The following PCDH15 variants were observed in gnomAD, a reference collection of about 807,000 sequenced individuals.
PCDH15 encodes protocadherin-15.
Under a neutral mutation model 178.5 loss-of-function variants are expected in PCDH15, and 129 were observed. The ratio of observed to expected loss-of-function variants is 0.72; its 90% CI spans 0.63 to 0.84. The LOEUF (loss-of-function observed/expected upper bound fraction) is 0.84. PCDH15 is among the 40% of genes least tolerant of loss of function. PCDH15 has a pLI of 0.00. For missense variants in PCDH15, 2,230 were observed against 2,099.9 expected, an observed-to-expected ratio of 1.06 and a Z score of -1.21; for synonymous variants, 800 against 732.0, an observed-to-expected ratio of 1.09 and a Z score of -1.50.
At chr10:55,361,606 A>C (rs1200205905) in intron 2 of PCDH15, among the ~76,000 whole-genome samples, 3 of 152,114 alleles carry the variant, frequency 2.0e-5, no homozygotes, top group Non-Finnish European at 4.4e-5. Flanking sequence ...CATAGAAAAT[A>C]GCCTCAAATA....
intron 2 of PCDH15, among the ~76,000 whole-genome samples, chr10:55,611,344 G>A (rs920523666): frequency 6.6e-6 from 1 of 151,888 alleles, no homozygotes; most frequent in Non-Finnish European, 1.5e-5. Flanking sequence ...TAAAAAAATG[G>A]GCAAAAGACC....
chr10:54,065,025 G>C (rs140459543), intron 18 of PCDH15, among the ~76,000 whole-genome samples: 1 of 152,150 alleles, frequency 6.6e-6, no homozygotes, highest in Non-Finnish European at 1.5e-5. Context: ...TCTTTGCAGT[G>C]GCTGCTCCAG....
intron 20 of PCDH15, among the ~76,000 whole-genome samples, chr10:54,019,289 TTTTAGTAATATACTCA>T (rs778906554): frequency 3.9e-5 from 6 of 152,162 alleles, no homozygotes; most frequent in African/African-American, 9.6e-5. Flanking sequence ...TAAAGTCATT[TTTTAGTAATATACTCA>T]TTTAGTAAAG....
intron 21 of PCDH15, chr10:53,995,391 C>A: frequency 1.9e-6 from 1 of 522,062 alleles, no homozygotes; most frequent in Admixed American, 3.3e-5. Context: ...ATATATTTAT[C>A]ATTGTTAGAT....
At chr10:55,076,133 C>T (rs185254783) in intron 2 of PCDH15, among the ~76,000 whole-genome samples, 1 of 152,142 alleles carries the variant, frequency 6.6e-6, no homozygotes, top group East Asian at 1.9e-4. Context: ...AAAAATGAGA[C>T]TTGTTTTGTA....
intron 2 of PCDH15, among the ~76,000 whole-genome samples, chr10:55,552,346 C>A (rs1291784258): frequency 6.6e-6 from 1 of 151,446 alleles, no homozygotes; most frequent in Non-Finnish European, 1.5e-5. Context: ...AAAATAGAAA[C>A]TCAAATGAAA....
intron 2 of PCDH15, among the ~76,000 whole-genome samples, chr10:55,547,911 G>GTGTGTGAGAGAGAGAGAA (rs1841922504): frequency 3.1e-5 from 1 of 32,596 alleles, no homozygotes; most frequent in African/African-American, 1.2e-4. Flanking sequence ...GTGTGTGTGT[G>GTGTGTGAGAGAGAGAGAA]AGAGAGAGAG....
intron 20 of PCDH15, among the ~76,000 whole-genome samples, chr10:54,008,053 T>C (rs1360489507): frequency 9.2e-5 from 14 of 152,122 alleles, no homozygotes; most frequent in Admixed American, 9.2e-4. Flanking sequence ...AATTTTAAAG[T>C]TATATTTGTG....
At chr10:55,016,967 C>CAT (rs1840196823) in intron 2 of PCDH15, among the ~76,000 whole-genome samples, 1 of 151,732 alleles carries the variant, frequency 6.6e-6, no homozygotes, top group South Asian at 2.1e-4. Flanking sequence ...TACACTCACA[C>CAT]ACACACAGAG....
At chr10:55,357,154 A>C (rs72805803) in intron 2 of PCDH15, among the ~76,000 whole-genome samples, 9 of 152,030 alleles carry the variant, frequency 5.9e-5, no homozygotes, top group Non-Finnish European at 1.0e-4. Context: ...AGATGTAAAC[A>C]AGTCAAAAGC....
intron 2 of PCDH15, among the ~76,000 whole-genome samples, chr10:55,486,267 G>A (rs1021457977): frequency 6.6e-6 from 1 of 151,460 alleles, no homozygotes; most frequent in Non-Finnish European, 1.5e-5. Flanking sequence ...ATAAATGAAG[G>A]AAACAAGAAA....
At chr10:54,324,680 T>C (rs1784268345) in intron 7 of PCDH15, among the ~76,000 whole-genome samples, 1 of 151,936 alleles carries the variant, frequency 6.6e-6, no homozygotes, top group Non-Finnish European at 1.5e-5. Flanking sequence ...GTTAGGAGAA[T>C]CATGAACACG....
At chr10:54,647,674 T>A (rs1211026015) in intron 2 of PCDH15, among the ~76,000 whole-genome samples, 1 of 152,080 alleles carries the variant, frequency 6.6e-6, no homozygotes, top group Non-Finnish European at 1.5e-5. Context: ...ACAGGAATAA[T>A]AATAAAATTC....
At chr10:53,811,406 G>A (rs2075859135) in intron 36 of PCDH15, 143 bp downstream of exon 36, 1 of 462,580 alleles carries the variant, frequency 2.2e-6, no homozygotes, top group Non-Finnish European at 3.7e-6. Flanking sequence ...AATAAAGCTA[G>A]ATATACTATT....
At chr10:54,988,803 G>A (rs1384857512) in intron 2 of PCDH15, among the ~76,000 whole-genome samples, 2 of 152,158 alleles carry the variant, frequency 1.3e-5, no homozygotes, top group African/African-American at 4.8e-5. Flanking sequence ...CATTTTCTAA[G>A]GAGAAATTCA....
At chr10:54,103,912 A>G (rs565563960) in intron 15 of PCDH15, among the ~76,000 whole-genome samples, 3 of 152,048 alleles carry the variant, frequency 2.0e-5, no homozygotes, top group Admixed American at 2.0e-4. Context: ...TTCTGCTTAT[A>G]TAAATTAAAA....
intron 2 of PCDH15, among the ~76,000 whole-genome samples, chr10:54,924,690 T>C (rs891956840): frequency 3.3e-5 from 5 of 152,224 alleles, no homozygotes; most frequent in African/African-American, 1.2e-4. Context: ...ATTTTCCTAG[T>C]GATCAGTGAT....
chr10:54,855,270 A>T (rs1371929342), intron 3 of PCDH15, among the ~76,000 whole-genome samples: 2 of 152,186 alleles, frequency 1.3e-5, no homozygotes, highest in Non-Finnish European at 2.9e-5. Flanking sequence ...CCAGGTCTGC[A>T]GCTATGATGT....
chr10:55,340,767 T>C (rs1402431768), intron 2 of PCDH15, among the ~76,000 whole-genome samples: 1 of 152,020 alleles, frequency 6.6e-6, no homozygotes, highest in East Asian at 1.9e-4. Flanking sequence ...CTATGAGATT[T>C]TGTAATATTT....
Sources: allele counts gnomAD v4.1 joint callset (sites outside exome capture counted in the v4.1 genomes callset), GRCh38; gene constraint gnomAD v4.1.1; transcripts MANE v1.5; gene names NCBI Gene and HGNC (gene_info 2026-07-23, HGNC 2026-07-21).